CFTR: variants seen among roughly 807,000 people sequenced by gnomAD.
CFTR encodes cystic fibrosis transmembrane conductance regulator.
In CFTR, 181 loss-of-function variants were observed where a neutral mutation model predicts 171.6. That is an observed-to-expected ratio of 1.05 (90% confidence interval 0.93 to 1.19). The LOEUF (loss-of-function observed/expected upper bound fraction) is 1.19. CFTR is among the 50% of genes most tolerant of loss of function. The probability of loss-of-function intolerance (pLI) is 0.00; values close to 1 mark genes in which losing one functional copy is unlikely to be tolerated. For missense variants in CFTR, 1,968 were observed against 1,734.7 expected, an observed-to-expected ratio of 1.13 and a Z score of -2.39; for synonymous variants, 583 against 608.0, an observed-to-expected ratio of 0.96 and a Z score of 0.60.
Position 117,627,666 on chromosome 7 carries a change from C to T in CFTR, c.3613C>T (p.Pro1205Ser). The T allele has an allele frequency of 6.2e-7, 1 of 1,613,296 alleles. No individual in the cohort carries two copies. Among genetic ancestry groups the T allele is most frequent in the Non-Finnish European group, 8.5e-7 (1 of 1,179,550 alleles). ...ACACGTGAAGAAAGATGACATCTGG[C>T]CCTCAGGGGGCCAAATGACTGTCAA... is the stretch of plus-strand genomic sequence containing the variant. Reference protein sequence around the residue: ...NSHVKKDDIWPSGGQMTVKDL... With the variant: ...NSHVKKDDIWSSGGQMTVKDL... Residue 1205 changes from proline (P) to serine (S), a missense_variant, in exon 22 of 27, where the codon CCC (proline) becomes TCC (serine). Pro to Ser is a moderately conservative substitution (Grantham distance 74). Transcript: ENST00000003084.
At chr7:117,628,400 A>ACTTCAGGCTCCATAAACATATTTCTT (rs1433743911) in intron 22 of CFTR, among the ~76,000 whole-genome samples, 6 of 152,188 alleles carry the variant, frequency 3.9e-5, no homozygotes, top group African/African-American at 1.4e-4. Context: ...TTATCCATAT[A>ACTTCAGGCTCCATAAACATATTTCTT]CTTCAGGCTC....
In CFTR at chr7:117,633,923, A is replaced by G. The variant is rs747467369; in HGVS notation, c.3717+6153A>G. 4.6e-5 allele frequency among the ~76,000 whole-genome samples: 7 copies of G among 152,050 alleles called. No homozygotes were observed. The East Asian group carries it at 7.7e-4, about 17-fold the overall frequency. ...GCTAATACTTTTTGAGAATTTTTGC[A>G]TTGGTGTTCATGAAAAAATATTGGT... On this transcript the variant is annotated intron_variant, in intron 22 of 26. Coordinates refer to ENST00000003084, the MANE Select transcript of CFTR (RefSeq NM_000492.4).
chr7:117,596,548 C>T (rs929154205), intron 15 of CFTR, among the ~76,000 whole-genome samples: 2 of 152,246 alleles, frequency 1.3e-5, no homozygotes, highest in Non-Finnish European at 2.9e-5. Context: ...AGTGCGGGAT[C>T]CACTGGGTGA....
intron 22 of CFTR, chr7:117,628,037 C>T (rs953005121): frequency 1.0e-5 from 3 of 290,100 alleles, no homozygotes; most frequent in Admixed American, 9.6e-5. Flanking sequence ...ACTAAAGAAG[C>T]CATTAAATAA....
At chr7:117,654,569 A>G (rs756699981) in intron 24 of CFTR, among the ~76,000 whole-genome samples, 1 of 151,992 alleles carries the variant, frequency 6.6e-6, no homozygotes, top group Non-Finnish European at 1.5e-5. Context: ...TGTTCATGTG[A>G]TAGTGAGTGA....
intron 11 of CFTR, among the ~76,000 whole-genome samples, chr7:117,574,473 A>G (rs965275241): frequency 6.6e-6 from 1 of 152,124 alleles, no homozygotes; most frequent in Admixed American, 6.5e-5. Context: ...GTTTCAGTCC[A>G]GAAAAGGAGG....
intron 24 of CFTR, among the ~76,000 whole-genome samples, chr7:117,656,690 T>C (rs1032350571): frequency 4.6e-5 from 7 of 152,206 alleles, no homozygotes; most frequent in African/African-American, 1.7e-4. Flanking sequence ...AATTATTTTG[T>C]TTTATTAAAC....
intron 11 of CFTR, among the ~76,000 whole-genome samples, chr7:117,574,924 G>A (rs1313235691): frequency 6.6e-6 from 1 of 152,008 alleles, no homozygotes; most frequent in Non-Finnish European, 1.5e-5. Context: ...CTGCTGGTAT[G>A]TAGAATTCTA....
intron 3 of CFTR, among the ~76,000 whole-genome samples, chr7:117,523,378 T>TG (rs1221724177): frequency 7.1e-5 from 10 of 140,066 alleles, no homozygotes; most frequent in African/African-American, 2.3e-4. Context: ...TGTTTTGTTT[T>TG]TTGTTTTTTT....
chr7:117,523,048 A>G (rs1562887501), intron 3 of CFTR, among the ~76,000 whole-genome samples: 2 of 152,196 alleles, frequency 1.3e-5, no homozygotes, highest in South Asian at 4.1e-4. Flanking sequence ...TACCGAAAAT[A>G]AACTGCATTT....
intron 13 of CFTR, among the ~76,000 whole-genome samples, chr7:117,591,117 A>G (rs1481917949): frequency 1.3e-5 from 2 of 152,178 alleles, no homozygotes; most frequent in Non-Finnish European, 2.9e-5. Context: ...ATGTATATGT[A>G]TATAAAATGG....
Position 117,591,852 on chromosome 7 carries a change from CAT to C in CFTR, c.1767-81_1767-80del, listed in dbSNP as rs1584812043. ...ATGATAGAGATTATATGCAATAAAA[CAT>C]TAACAAAATGCTAAAATACGAGACA... On this transcript the variant is annotated intron_variant, in intron 13 of 26. Coordinates refer to ENST00000003084, the MANE Select transcript of CFTR (RefSeq NM_000492.4). The C allele has an allele frequency of 9.1e-6, 8 of 876,704 alleles. No individual in the cohort carries two copies. In the East Asian group the frequency reaches 1.9e-4, roughly 21 times the overall value. 54.3% of individuals were successfully genotyped at this position (876,704 alleles called of 1,614,324 possible).
intron 10 of CFTR, among the ~76,000 whole-genome samples, chr7:117,553,011 C>T (rs1299657217): frequency 6.6e-6 from 1 of 151,870 alleles, no homozygotes; most frequent in African/African-American, 2.4e-5. Context: ...TTAGAGAGAC[C>T]CTCACACCTT....
At chr7:117,571,145 C>T (rs1249059038) in intron 11 of CFTR, among the ~76,000 whole-genome samples, 1 of 152,090 alleles carries the variant, frequency 6.6e-6, no homozygotes, top group East Asian at 1.9e-4. Context: ...AGATGAGAAG[C>T]TTGTGTTATA....
At chr7:117,562,531 A>G (rs986686759) in intron 11 of CFTR, among the ~76,000 whole-genome samples, 3 of 152,182 alleles carry the variant, frequency 2.0e-5, no homozygotes, top group Non-Finnish European at 4.4e-5. Flanking sequence ...TGCTCAGGAA[A>G]TGGCAATGGG....
At chr7:117,608,879 A>G (rs1193847283) in intron 18 of CFTR, among the ~76,000 whole-genome samples, 1 of 152,054 alleles carries the variant, frequency 6.6e-6, no homozygotes, top group Non-Finnish European at 1.5e-5. Context: ...TCTATTTTCT[A>G]TTATTTTTCT....
chr7:117,652,273 A>G (rs1357000140), intron 23 of CFTR, among the ~76,000 whole-genome samples: 1 of 152,164 alleles, frequency 6.6e-6, no homozygotes, highest in African/African-American at 2.4e-5. Context: ...ACTGATTTCT[A>G]AGTTGAGGCT....
rs35050470 is a variant in CFTR at position 117,606,582 on chromosome 7, G to A, written c.2909-92G>A. On this transcript the variant is annotated intron_variant, in intron 17 of 26. Transcript: ENST00000003084. ...TAATTCTTATTTGGGTTCTGAATGC[G>A]TCTACTGTGATCCAAACTTAGTATT... is the stretch of plus-strand genomic sequence containing the variant. 0.18 allele frequency: 140,404 copies of A among 776,818 alleles called. 14,066 individuals are homozygous for A. The highest frequency in any genetic ancestry group is 0.22 in the South Asian group (15,362 of 71,146). 48.1% of individuals were successfully genotyped at this position (776,818 alleles called of 1,614,324 possible). A position where few individuals can be genotyped will look rare whatever the true frequency, so the allele number is the denominator to read the frequency against.
intron 23 of CFTR, among the ~76,000 whole-genome samples, chr7:117,646,388 T>TA (rs2116179603): frequency 6.6e-6 from 1 of 152,206 alleles, no homozygotes; most frequent in Admixed American, 6.5e-5. Context: ...TAAAGGGTCA[T>TA]AAAGCTTGTA....
Sources: allele counts gnomAD v4.1 joint callset (sites outside exome capture counted in the v4.1 genomes callset), GRCh38; gene constraint gnomAD v4.1.1; transcripts MANE v1.5; gene names NCBI Gene and HGNC (gene_info 2026-07-23, HGNC 2026-07-21).